The following OPCML variants were observed in gnomAD, a reference collection of about 807,000 sequenced individuals.
OPCML encodes the protein opioid-binding protein/cell adhesion molecule.
OPCML carries 13 observed loss-of-function variants against 37.8 expected under a neutral mutation model. The observed-to-expected ratio is 0.34, with a 90% CI of 0.22 to 0.55. OPCML has a LOEUF of 0.55. Ranked by LOEUF, OPCML falls within the 20% of genes least tolerant of loss-of-function variation. OPCML has a pLI of 0.91. For synonymous variants in OPCML, 176 were observed against 168.8 expected (o/e 1.04, Z -0.33); for missense variants, 341 against 435.6 (o/e 0.78, Z 1.93).
chr11:133,262,053 C>A (rs924256759), intron 1 of OPCML, among the ~76,000 whole-genome samples: 4 of 152,066 alleles, frequency 2.6e-5, no homozygotes, highest in Non-Finnish European at 4.4e-5. Flanking sequence ...AATTTTCTTT[C>A]TTTTTTTGAA....
chr11:132,587,194 G>A (rs7107646), intron 3 of OPCML, among the ~76,000 whole-genome samples: 111,878 of 152,114 alleles, frequency 0.74, 41,675 homozygotes, highest in East Asian at 0.87. Context: ...CACTAATAGA[G>A]GAATCTCCAC....
intron 2 of OPCML, among the ~76,000 whole-genome samples, chr11:132,775,044 A>G (rs915891763): frequency 1.3e-5 from 2 of 152,330 alleles, no homozygotes; most frequent in African/African-American, 2.4e-5. Context: ...TTTGTATATT[A>G]CAATTGATAT....
rs141117956 is a variant in OPCML, at chr11:133,226,482, T to A, written c.62-283472A>T. On this transcript the variant is annotated intron_variant, in intron 1 of 7. Coordinates refer to ENST00000524381, the MANE Select transcript of OPCML (RefSeq NM_001012393.5). ...CCTCTTTCTTGTATCCCTGAAGGAATTCCATCCCGACATGGCGGTCCTCTT... is the reference window on the plus strand; with the variant it reads ...CCTCTTTCTTGTATCCCTGAAGGAAATCCATCCCGACATGGCGGTCCTCTT... Among the ~76,000 whole-genome samples the A allele has an allele frequency of 2.7e-3, 416 of 152,336 alleles. 4 individuals are homozygous for A. The highest frequency in any genetic ancestry group is 6.8e-3 in the Middle Eastern group (2 of 294).
intron 1 of OPCML, among the ~76,000 whole-genome samples, chr11:133,130,285 G>A (rs778619377): frequency 5.7e-4 from 86 of 152,142 alleles, no homozygotes; most frequent in Non-Finnish European, 1.2e-3. Context: ...AAAAGAAAAT[G>A]TGTGGAACAT....
intron 2 of OPCML, among the ~76,000 whole-genome samples, chr11:132,677,339 T>C (rs917057635): frequency 2.0e-5 from 3 of 152,168 alleles, no homozygotes; most frequent in Non-Finnish European, 4.4e-5. Flanking sequence ...TAGCTCTAGA[T>C]TCAATGGAAT....
intron 2 of OPCML, among the ~76,000 whole-genome samples, chr11:132,663,782 C>A (rs1263371917): frequency 2.6e-5 from 4 of 152,194 alleles, no homozygotes; most frequent in African/African-American, 9.7e-5. Context: ...CAGTCAGTGC[C>A]ACATCCACAT....
At chr11:132,743,941 A>G (rs994100846) in intron 2 of OPCML, among the ~76,000 whole-genome samples, 1 of 152,200 alleles carries the variant, frequency 6.6e-6, no homozygotes, top group Non-Finnish European at 1.5e-5. Context: ...TCCCAGGCAG[A>G]AAGTCTTTCC....
intron 1 of OPCML, among the ~76,000 whole-genome samples, chr11:133,338,848 T>C (rs541037185): frequency 6.6e-6 from 1 of 152,352 alleles, no homozygotes; most frequent in Admixed American, 6.5e-5. Context: ...ATCCTCCACA[T>C]GTGAGACTTA....
chr11:133,067,368 G>C (rs1948457173), intron 1 of OPCML: 1 of 152,184 alleles, frequency 6.6e-6, no homozygotes, highest in Non-Finnish European at 1.5e-5. Context: ...TATGAAAGCA[G>C]CCACTGGCAC....
chr11:132,682,928 A>T (rs1181946235), intron 2 of OPCML, among the ~76,000 whole-genome samples: 1 of 152,228 alleles, frequency 6.6e-6, no homozygotes, highest in Non-Finnish European at 1.5e-5. Context: ...GTTTCTCACC[A>T]TTCAAACTGG....
chr11:133,140,183 T>C (rs1949747232), intron 1 of OPCML, among the ~76,000 whole-genome samples: 1 of 104,502 alleles, frequency 9.6e-6, no homozygotes, highest in Non-Finnish European at 1.9e-5. Flanking sequence ...TGAGACTCCG[T>C]CTCAATAATA....
intron 1 of OPCML, among the ~76,000 whole-genome samples, chr11:133,281,222 G>A (rs978058593): frequency 2.0e-5 from 3 of 152,178 alleles, no homozygotes; most frequent in Non-Finnish European, 2.9e-5. Flanking sequence ...CAAACCTCAT[G>A]TTGAAATATG....
chr11:132,915,290 A>G (rs1052435578), intron 2 of OPCML, among the ~76,000 whole-genome samples: 3 of 152,154 alleles, frequency 2.0e-5, no homozygotes, highest in African/African-American at 7.2e-5. Context: ...CTGTGGCACA[A>G]TCTGCTTTTT....
At chr11:132,932,961 C>T (rs1945259102) in intron 2 of OPCML, among the ~76,000 whole-genome samples, 1 of 151,900 alleles carries the variant, frequency 6.6e-6, no homozygotes, top group African/African-American at 2.4e-5. Flanking sequence ...TCAAAATGAG[C>T]CTTTTGACTG....
chr11:132,610,443 G>A (rs1223302526), intron 3 of OPCML, among the ~76,000 whole-genome samples: 2 of 152,096 alleles, frequency 1.3e-5, no homozygotes, highest in African/African-American at 2.4e-5. Flanking sequence ...CATCACTTAC[G>A]ACAAAACACA....
chr11:133,134,753 AGGTG>A (rs1949659280), intron 1 of OPCML, among the ~76,000 whole-genome samples: 1 of 152,088 alleles, frequency 6.6e-6, no homozygotes, highest in African/African-American at 2.4e-5. Context: ...TACGACCACC[AGGTG>A]GTGCTGTTCT....
At chr11:132,965,355 G>A (rs1198688472) in intron 1 of OPCML, among the ~76,000 whole-genome samples, 3 of 152,088 alleles carry the variant, frequency 2.0e-5, no homozygotes, top group Admixed American at 1.3e-4. Flanking sequence ...GTCTTAGGCT[G>A]TTTTGTGTCG....
At chr11:133,195,440 C>A (rs186068180) in intron 1 of OPCML, among the ~76,000 whole-genome samples, 2 of 152,318 alleles carry the variant, frequency 1.3e-5, no homozygotes, top group Non-Finnish European at 2.9e-5. Flanking sequence ...CTTGTCCTTG[C>A]GGAACCTCAT....
chr11:132,868,296 ATTTTTTTTTTTT>A (rs67534174), intron 2 of OPCML, among the ~76,000 whole-genome samples: 1 of 77,466 alleles, frequency 1.3e-5, no homozygotes, highest in African/African-American at 5.1e-5. Flanking sequence ...TGAGGCTGTG[ATTTTTTTTTTTT>A]TTTTTTTTTT....
Sources: allele counts gnomAD v4.1 joint callset (sites outside exome capture counted in the v4.1 genomes callset), GRCh38; gene constraint gnomAD v4.1.1; transcripts MANE v1.5; gene names NCBI Gene and HGNC (gene_info 2026-07-23, HGNC 2026-07-21).